The following FBXL17 variants were observed in gnomAD, a reference collection of about 807,000 sequenced individuals.
FBXL17 encodes F-box and leucine rich repeat protein 17, also known as F-box/LRR-repeat protein 17.
In FBXL17, 22 loss-of-function variants were observed where a neutral mutation model predicts 66.2. The ratio of observed to expected loss-of-function variants is 0.33; its 90% CI spans 0.24 to 0.47. The LOEUF (loss-of-function observed/expected upper bound fraction) is 0.47, where lower values mean the gene tolerates loss of function less well. Ranked by LOEUF, FBXL17 falls within the 20% of genes least tolerant of loss-of-function variation. FBXL17 has a pLI of 1.00. For missense variants in FBXL17, 878 were observed against 948.2 expected (o/e 0.93, Z 0.97); for synonymous variants, 474 against 400.5 (o/e 1.18, Z -2.19).
intron 4 of FBXL17, among the ~76,000 whole-genome samples, chr5:108,300,615 T>C (rs1758545305): frequency 6.6e-6 from 1 of 151,858 alleles, no homozygotes; most frequent in Non-Finnish European, 1.5e-5. Context: ...AATAGTTTTA[T>C]TTCACTATTG....
intron 7 of FBXL17, among the ~76,000 whole-genome samples, chr5:107,883,819 C>A (rs140085920): frequency 6.6e-6 from 1 of 152,148 alleles, no homozygotes; most frequent in African/African-American, 2.4e-5. Flanking sequence ...CCCCCTCACG[C>A]TTCAGGGAAA....
chr5:108,380,881 G>A lies in FBXL17; in HGVS notation c.811C>T (p.Pro271Ser). Residue 271 changes from proline to serine, a missense_variant, in exon 1 of 9, where the codon CCC becomes TCC. Physicochemically the swap from Pro to Ser is moderately conservative, Grantham distance 74. This residue lies in a region of FBXL17 where 605 missense variants were observed against 509.5 expected (regional missense o/e 1.19). Transcript: ENST00000542267. ...ACAGCGTCCCCGCCAGCTTCGGTGG[G>A]GGCACCTTCGGAGGTGGGAGAAGAG... ...PPSSPTSEGA[P>S]TEAGGDAVRA... 8.1e-7 allele frequency: 1 copy of A among 1,240,456 alleles called. No individual in the cohort carries two copies. The highest frequency in any genetic ancestry group is 1.0e-6 in the Non-Finnish European group (1 of 986,780). 76.8% of individuals were successfully genotyped at this position (1,240,456 alleles called of 1,614,324 possible).
chr5:108,141,213 T>A (rs1751335806), intron 6 of FBXL17, among the ~76,000 whole-genome samples: 1 of 152,158 alleles, frequency 6.6e-6, no homozygotes, highest in African/African-American at 2.4e-5. Context: ...GAAGAACAGA[T>A]CATCTGCCTG....
intron 6 of FBXL17, among the ~76,000 whole-genome samples, chr5:108,074,693 C>G (rs370076315): frequency 2.5e-4 from 38 of 152,316 alleles, no homozygotes; most frequent in African/African-American, 8.4e-4. Flanking sequence ...AAGTCATGGA[C>G]AGATTCATCT....
rs1484698754 is a variant in FBXL17, at chr5:108,224,218, T to A, written c.1517A>T (p.Gln506Leu). The change falls in exon 5 of 9, where the codon CAG (glutamine) becomes CTG (leucine). Residue 506 changes from glutamine to leucine, a missense_variant. This residue lies in a region of FBXL17 where 236 missense variants were observed against 389.1 expected (regional missense o/e 0.61). Coordinates refer to ENST00000542267, the MANE Select transcript of FBXL17 (RefSeq NM_001163315.3). ...YMQENKLVTD[Q>L]SVKAFAEHCP... ...GTGTTCAGCAAATGCTTTCACTGACTGATCTGTCACCTAGGGAAAAGACAT... is the reference window on the plus strand; with the variant it reads ...GTGTTCAGCAAATGCTTTCACTGACAGATCTGTCACCTAGGGAAAAGACAT... 2.5e-6 allele frequency: 4 copies of A among 1,592,154 alleles called. No homozygotes were observed. Among genetic ancestry groups the A allele is most frequent in the Non-Finnish European group, 3.4e-6 (4 of 1,162,596 alleles).
intron 6 of FBXL17, among the ~76,000 whole-genome samples, chr5:108,066,199 G>A (rs1748112076): frequency 6.6e-6 from 1 of 152,120 alleles, no homozygotes; most frequent in Non-Finnish European, 1.5e-5. Flanking sequence ...AGAAGGTCAT[G>A]AAATCTAAGA....
intron 6 of FBXL17, among the ~76,000 whole-genome samples, chr5:108,101,260 G>T (rs1305886987): frequency 1.3e-5 from 2 of 152,220 alleles, no homozygotes; most frequent in Non-Finnish European, 2.9e-5. Flanking sequence ...TGTGTACATA[G>T]ACCTCTGTCC....
intron 4 of FBXL17, among the ~76,000 whole-genome samples, chr5:108,281,687 A>G (rs1298146628): frequency 1.3e-5 from 2 of 151,880 alleles, no homozygotes; most frequent in Non-Finnish European, 2.9e-5. Context: ...CAACGATCAG[A>G]GCAGAACTAA....
intron 6 of FBXL17, among the ~76,000 whole-genome samples, chr5:108,063,134 AT>A (rs1205646476): frequency 2.0e-5 from 3 of 151,756 alleles, no homozygotes; most frequent in Admixed American, 6.6e-5. Flanking sequence ...TTTTAAGTTC[AT>A]TTTTTTTGTC....
At chr5:108,210,092 T>C (rs1206503196) in intron 5 of FBXL17, among the ~76,000 whole-genome samples, 4 of 152,220 alleles carry the variant, frequency 2.6e-5, no homozygotes, top group Admixed American at 2.0e-4. Flanking sequence ...TTCTAGTTTA[T>C]TTGCATAGAG....
chr5:108,173,329 C>G (rs567095115), intron 6 of FBXL17, among the ~76,000 whole-genome samples: 1 of 152,042 alleles, frequency 6.6e-6, no homozygotes, highest in Non-Finnish European at 1.5e-5. Flanking sequence ...AGCACACCAG[C>G]ATGGCACATG....
rs933298543 is a variant in FBXL17, at chr5:108,168,289, A to G, written c.1745+17828T>C. On this transcript the variant is annotated intron_variant, in intron 6 of 8. Coordinates refer to ENST00000542267, the MANE Select transcript of FBXL17 (RefSeq NM_001163315.3). ...AATACACCTACTCTCTTGAAATTTA[A>G]AAAAGAGAGGGGAAGGGGAAGGGTG... Among the ~76,000 whole-genome samples the G allele has an allele frequency of 5.9e-5, 9 of 152,300 alleles. No individual in the cohort carries two copies. In the East Asian group the frequency reaches 1.5e-3, roughly 26 times the overall value.
chr5:108,121,227 C>T (rs751935152), intron 6 of FBXL17, among the ~76,000 whole-genome samples: 2 of 151,928 alleles, frequency 1.3e-5, no homozygotes, highest in Non-Finnish European at 2.9e-5. Context: ...ACTCGGGAGG[C>T]TGAGGCAGGA....
chr5:108,206,745 T>C (rs73212244), intron 5 of FBXL17, among the ~76,000 whole-genome samples: 1,971 of 152,320 alleles, frequency 0.013, 35 homozygotes, highest in African/African-American at 0.043. Flanking sequence ...TGTATAAATA[T>C]ACCAGATTGT....
intron 1 of FBXL17, among the ~76,000 whole-genome samples, chr5:108,375,384 C>CAA (rs1749349713): frequency 6.6e-6 from 1 of 151,324 alleles, no homozygotes; most frequent in African/African-American, 2.4e-5. Context: ...CACACACACA[C>CAA]ACACACACAC....
At chr5:108,319,127 C>G (rs1266606700) in intron 4 of FBXL17, among the ~76,000 whole-genome samples, 1 of 151,782 alleles carries the variant, frequency 6.6e-6, no homozygotes, top group African/African-American at 2.4e-5. Flanking sequence ...TTTAAATAAG[C>G]CATTCCACTT....
intron 6 of FBXL17, 136 bp from the exon 7 acceptor site, chr5:108,021,137 C>T (rs908913322): frequency 3.5e-6 from 2 of 579,038 alleles, no homozygotes; most frequent in Non-Finnish European, 6.1e-6. Context: ...TATTATATTC[C>T]CTGCTTTAAA....
intron 8 of FBXL17, chr5:107,878,917 G>C: frequency 2.0e-6 from 2 of 985,484 alleles, no homozygotes; most frequent in African/African-American, 1.7e-5. Flanking sequence ...GGAGCCAATG[G>C]GTTCTCAGAG....
intron 6 of FBXL17, among the ~76,000 whole-genome samples, chr5:108,050,862 A>T (rs926240406): frequency 6.6e-6 from 1 of 152,084 alleles, no homozygotes. Flanking sequence ...GAAAAATCAA[A>T]TATATTTGAT....
Sources: allele counts gnomAD v4.1 joint callset (sites outside exome capture counted in the v4.1 genomes callset), GRCh38; gene constraint gnomAD v4.1.1; regional missense constraint gnomAD v4.1.1; transcripts MANE v1.5; gene names NCBI Gene and HGNC (gene_info 2026-07-23, HGNC 2026-07-21).